Variants in TENM2 observed in about 807,000 individuals in gnomAD.
The protein encoded by TENM2 is teneurin-2.
Under a neutral mutation model 245.2 loss-of-function variants are expected in TENM2, and 52 were observed. The ratio of observed to expected loss-of-function variants is 0.21; its 90% CI spans 0.17 to 0.27. The LOEUF (loss-of-function observed/expected upper bound fraction) is 0.27, where lower values mean the gene tolerates loss of function less well. Among genes scored for constraint, TENM2 ranks in the 10% least tolerant of loss-of-function variants. TENM2 has a pLI of 1.00. For synonymous variants in TENM2, 1,363 were observed against 1,438.9 expected (o/e 0.95, Z 1.19); for missense variants, 3,046 against 3,666.8 (o/e 0.83, Z 4.37).
intron 2 of TENM2, among the ~76,000 whole-genome samples, chr5:167,859,563 G>A (rs1771501713): frequency 1.8e-5 from 2 of 108,200 alleles, no homozygotes; most frequent in Admixed American, 8.1e-5. Context: ...AGGTGGGGGG[G>A]TCAGCCCCCC....
intron 2 of TENM2, among the ~76,000 whole-genome samples, chr5:167,746,792 G>A (rs150390314): frequency 0.014 from 2,154 of 151,764 alleles, 21 homozygotes; most frequent in Non-Finnish European, 0.024. Context: ...ATTTAAGGCA[G>A]CTGGATAATC....
chr5:167,973,695 C>T lies in TENM2; in HGVS notation c.948-19249C>T, dbSNP rs1235947205. On this transcript the variant is annotated intron_variant, in intron 4 of 28. Coordinates refer to ENST00000518659, the Ensembl canonical transcript of TENM2. The stretch of plus-strand genomic sequence containing the variant: ...TGCCCCAGCAAAAGGGCATTCCAGG[C>T]AAAGGTGAGAGAATAGGAAAAGGCC... Among the ~76,000 whole-genome samples the T allele has an allele frequency of 1.8e-4, 28 of 151,956 alleles. 1 individual carries two copies. The highest frequency in any genetic ancestry group is 1.8e-3 in the Admixed American group (27 of 15,254).
chr5:167,555,255 G>A (rs1183894496), intron 2 of TENM2, among the ~76,000 whole-genome samples: 1 of 152,152 alleles, frequency 6.6e-6, no homozygotes. Context: ...GATCTCAGCA[G>A]TTTGGCCTTA....
chr5:167,876,222 G>T, intron 3 of TENM2, 27 bp downstream of exon 5: 2 of 1,517,056 alleles, frequency 1.3e-6, no homozygotes, highest in Non-Finnish European at 1.8e-6. Context: ...GTGTCTGAAT[G>T]TGTGGTGTTT....
At chr5:167,579,723 A>G (rs1774956923) in intron 2 of TENM2, among the ~76,000 whole-genome samples, 1 of 152,162 alleles carries the variant, frequency 6.6e-6, no homozygotes, top group Admixed American at 6.6e-5. Flanking sequence ...TTTTCTTCCT[A>G]TTCCGAGCCT....
the TENM2 span, among the ~76,000 whole-genome samples, chr5:167,224,363 G>A: frequency 1.3e-5 from 2 of 152,152 alleles, no homozygotes; most frequent in South Asian, 4.1e-4. Flanking sequence ...GTTGATTGCT[G>A]GACGGGGTGA....
intron 2 of TENM2, among the ~76,000 whole-genome samples, chr5:167,473,962 A>C (rs1767206168): frequency 6.6e-6 from 1 of 152,112 alleles, no homozygotes; most frequent in Admixed American, 6.6e-5. Context: ...TGCTTACTGT[A>C]AGCAGGTTCT....
exon 4 of TENM2, chr5:167,952,657 C>T: frequency 6.2e-7 from 1 of 1,613,250 alleles, no homozygotes; most frequent in Non-Finnish European, 8.5e-7. Context: ...CACACGCTGT[C>T]CCATCACCAC....
chr5:167,736,505 A>G (rs1297804802), intron 2 of TENM2, among the ~76,000 whole-genome samples: 1 of 152,154 alleles, frequency 6.6e-6, no homozygotes, highest in Non-Finnish European at 1.5e-5. Flanking sequence ...CCATTTTGGC[A>G]AACCAGTTTA....
At chr5:167,638,517 A>C (rs2150239711) in intron 2 of TENM2, among the ~76,000 whole-genome samples, 1 of 152,338 alleles carries the variant, frequency 6.6e-6, no homozygotes, top group South Asian at 2.1e-4. Flanking sequence ...CATTTCTTCT[A>C]ATTTATAAAG....
intron 11 of TENM2, among the ~76,000 whole-genome samples, chr5:168,125,868 G>A (rs1289974370): frequency 6.6e-6 from 1 of 152,148 alleles, no homozygotes; most frequent in African/African-American, 2.4e-5. Flanking sequence ...GATGATGGGA[G>A]GAGGCAGGGG....
intron 2 of TENM2, among the ~76,000 whole-genome samples, chr5:167,422,531 G>A (rs909246923): frequency 1.3e-5 from 2 of 152,134 alleles, no homozygotes; most frequent in African/African-American, 4.8e-5. Flanking sequence ...AATTTATCAG[G>A]CAGCCTCTCT....
the TENM2 span, among the ~76,000 whole-genome samples, chr5:167,035,325 G>GCT: frequency 6.6e-6 from 1 of 152,272 alleles, no homozygotes; most frequent in Admixed American, 6.5e-5. Context: ...TTAGATGAGT[G>GCT]ATCCTCGAAA....
chr5:167,226,943 T>C, the TENM2 span, among the ~76,000 whole-genome samples: 4 of 151,948 alleles, frequency 2.6e-5, no homozygotes, highest in Non-Finnish European at 5.9e-5. Flanking sequence ...ACCATATATA[T>C]GTATATATAT....
chr5:167,979,337 A>G (rs1226183954), intron 4 of TENM2, among the ~76,000 whole-genome samples: 1 of 152,230 alleles, frequency 6.6e-6, no homozygotes, highest in Non-Finnish European at 1.5e-5. Context: ...ATGCACCATG[A>G]AATCTCCATG....
chr5:167,300,798 A>G (rs1755264896), intron 1 of TENM2, among the ~76,000 whole-genome samples: 1 of 152,154 alleles, frequency 6.6e-6, no homozygotes, highest in African/African-American at 2.4e-5. Flanking sequence ...AAAAGGCAGC[A>G]ATGAGGTGTG....
At chr5:167,796,543 AATT>A (rs1765333016) in intron 2 of TENM2, among the ~76,000 whole-genome samples, 1 of 152,048 alleles carries the variant, frequency 6.6e-6, no homozygotes, top group African/African-American at 2.4e-5. Flanking sequence ...TCCTTAAGTC[AATT>A]CTCCCATTTA....
intron 2 of TENM2, among the ~76,000 whole-genome samples, chr5:167,452,029 C>T (rs1162697583): frequency 1.3e-5 from 2 of 152,066 alleles, no homozygotes; most frequent in East Asian, 3.8e-4. Flanking sequence ...TTTTCTATAA[C>T]TTAAAAAGAA....
chr5:167,333,994 C>T (rs1757610074), intron 1 of TENM2, among the ~76,000 whole-genome samples: 1 of 152,066 alleles, frequency 6.6e-6, no homozygotes, highest in African/African-American at 2.4e-5. Flanking sequence ...TATTTTGTAA[C>T]TAAATATATA....
Sources: gnomAD v4.1 joint callset for allele counts (sites outside exome capture counted in the v4.1 genomes callset) on GRCh38, gnomAD v4.1.1 for gene constraint, MANE v1.5 for transcripts, NCBI Gene and HGNC (gene_info 2026-07-23, HGNC 2026-07-21) for gene names.